The following CYB561D2 variants were observed in gnomAD, a reference collection of about 807,000 sequenced individuals.
CYB561D2 encodes cytochrome b561 family member D2.
In CYB561D2, 16 loss-of-function variants were observed where a neutral mutation model predicts 20.2. That is an observed-to-expected ratio of 0.79 (90% CI 0.53 to 1.20). The LOEUF is 1.20. Ranked by LOEUF, CYB561D2 falls within the 50% of genes most tolerant of loss-of-function variation. The pLI is 0.00. For missense variants in CYB561D2, 247 were observed against 270.3 expected (o/e 0.91, Z 0.60); for synonymous variants, 135 against 128.3 (o/e 1.05, Z -0.35).
chr3:50,352,863 C>T (rs1432024583), intron 3 of CYB561D2, among the ~76,000 whole-genome samples: 1 of 152,144 alleles, frequency 6.6e-6, no homozygotes, highest in African/African-American at 2.4e-5. Flanking sequence ...TGGTGATGCA[C>T]CTAACTTTCC....
chr3:50,351,899 T>C, intron 2 of CYB561D2, 110 bp from the exon 3 acceptor site: 1 of 1,328,848 alleles, frequency 7.5e-7, no homozygotes, highest in South Asian at 1.2e-5. Context: ...GCTCACAGTT[T>C]GGCAGCACCT....
intron 1 of CYB561D2, 173 bp from the exon 2 acceptor site, chr3:50,351,236 G>T: frequency 1.4e-6 from 1 of 700,764 alleles, no homozygotes; most frequent in Non-Finnish European, 2.2e-6. Context: ...CACGTTGACA[G>T]GCCGCCGGCC....
rs757432382 is a variant in CYB561D2 at position 50,353,440 on chromosome 3, A to AGGCAGGGCTGCTGGCTGTGCTGTG, written c.377_400dup (p.Leu126_Leu133dup). The AGGCAGGGCTGCTGGCTGTGCTGTG allele has an allele frequency of 1.2e-4, 201 of 1,613,200 alleles. No homozygotes were observed. Among genetic ancestry groups the AGGCAGGGCTGCTGGCTGTGCTGTG allele is most frequent in the African/African-American group, 9.3e-5 (7 of 74,942 alleles). ...GCCCACCTGGTTACGCGGCATGGGC[A>AGGCAGGGCTGCTGGCTGTGCTGTG]GGCAGGGCTGCTGGCTGTGCTGTGG... On this transcript the variant is annotated inframe_insertion, in exon 4 of 4. Coordinates refer to ENST00000425346, the MANE Select transcript of CYB561D2 (RefSeq NM_001291284.2).
Position 50,353,509 on chromosome 3 carries a change from A to G in CYB561D2, c.434A>G (p.Lys145Arg). 6.2e-7 allele frequency: 1 copy of G among 1,613,482 alleles called. No individual in the cohort carries two copies. The highest frequency in any genetic ancestry group is 8.5e-7 in the Non-Finnish European group (1 of 1,180,006). ...GGTGGGGTGGGGCTGCTCTACCCCA[A>G]GCTGCTGCCCCGATGGCCCCTGGCG... ...CSGGVGLLYP[K>R]LLPRWPLAKL... Residue 145 changes from lysine (K) to arginine (R), a missense_variant, in exon 4 of 4, where the codon AAG becomes AGG. By Grantham distance (26) the Lys-to-Arg change is conservative. Transcript: ENST00000425346.
chr3:50,353,423 G>C lies in CYB561D2; in HGVS notation c.348G>C (p.Leu116=). ...AAGAGCAGCTTGGCAAAGCCCACCT[G>C]GTTACGCGGCATGGGCAGGCAGGGC... ...LHKEQLGKAH[L]VTRHGQAGLL... Residue 116 remains leucine, a synonymous_variant, in exon 4 of 4, where the codon CTG becomes CTC. Transcript: ENST00000425346. 1 of 1,613,398 alleles carries C rather than the reference G, an allele frequency of 6.2e-7. No homozygotes were observed. The highest frequency in any genetic ancestry group is 1.1e-5 in the South Asian group (1 of 91,052).
At position 50,351,056 on chromosome 3, in the gene CYB561D2, G is replaced by A. The variant is rs2233475; in HGVS notation, c.-26+72G>A. ...GGCGGTGCGCTAAGGGATTCACGCT[G>A]TAACTGGGACCGCAGCAGGGAACTA... On this transcript the variant is annotated intron_variant, in intron 1 of 3. Transcript: ENST00000425346. 1,971 of 517,622 alleles carry A rather than the reference G, an allele frequency of 3.8e-3. 27 individuals are homozygous for A. The highest frequency in any genetic ancestry group is 0.034 in the African/African-American group (1,769 of 51,280). The allele number at this position is 517,622 out of a possible 1,614,324, so 32.1% of individuals were successfully genotyped here.
intron 3 of CYB561D2, among the ~76,000 whole-genome samples, 163 bp from the exon 4 acceptor site, chr3:50,353,078 G>T (rs1215569176): frequency 6.6e-6 from 1 of 152,226 alleles, no homozygotes; most frequent in Non-Finnish European, 1.5e-5. Context: ...CCCAGATGGG[G>T]TTTTCCACTC....
chr3:50,350,951 C>T lies in CYB561D2; in HGVS notation c.-59C>T, dbSNP rs898546639. The T allele has an allele frequency of 1.8e-5, 24 of 1,332,416 alleles. No individual in the cohort carries two copies. The highest frequency in any genetic ancestry group is 5.9e-5 in the African/African-American group (4 of 67,348). The allele number at this position is 1,332,416 out of a possible 1,614,324, so 82.5% of individuals were successfully genotyped here. On this transcript the variant is annotated 5_prime_UTR_variant, in exon 1 of 4. Transcript: ENST00000425346. The surrounding 1 kb of genome is among the most constrained non-coding windows in gnomAD (Gnocchi z 5.7). ...AGTATCCCGCTTTCTTTGGAGGAAA[C>T]CACCGCATCAGATCTGCGCTGCGGC... is the stretch of plus-strand genomic sequence containing the variant.
At chr3:50,352,131 T>C in intron 3 of CYB561D2, 85 bp downstream of exon 3, 1 of 1,486,896 alleles carries the variant, frequency 6.7e-7, no homozygotes, top group Non-Finnish European at 9.4e-7. Context: ...TTTGTCCACA[T>C]TTAATATCTG....
In CYB561D2 at chr3:50,353,781, T is replaced by G. The variant is rs373904011; in HGVS notation, c.*37T>G. The G allele has an allele frequency of 5.0e-5, 77 of 1,553,338 alleles. No individual in the cohort carries two copies. The highest frequency in any genetic ancestry group is 6.1e-5 in the Non-Finnish European group (70 of 1,147,212). ...CCTAGGGGAAGCCTGGATTTGCCCC[T>G]CCATGTAGGAGCTGGGCCTAGGGAC... On this transcript the variant is annotated 3_prime_UTR_variant, in exon 4 of 4. Transcript: ENST00000425346.
At position 50,353,735 on chromosome 3, in the gene CYB561D2, C is replaced by A; in HGVS notation, c.660C>A (p.Ile220=). ...ATGCCTACCTATACCGCAAGAGGAT[C>A]CAACCATGAGCTCTTCCCAGCCTAG... ...VSNAYLYRKR[I]QP is the part of the protein sequence containing the mutation. The change falls in exon 4 of 4, where the codon ATC becomes ATA. Residue 220 remains isoleucine, a synonymous_variant. Coordinates refer to ENST00000425346, the MANE Select transcript of CYB561D2 (RefSeq NM_001291284.2). The A allele has an allele frequency of 6.3e-7, 1 of 1,597,042 alleles. No homozygotes were observed. Among genetic ancestry groups the A allele is most frequent in the Non-Finnish European group, 8.6e-7 (1 of 1,169,334 alleles).
chr3:50,353,969 G>A lies in CYB561D2; in HGVS notation c.*225G>A. 7.3e-6 allele frequency: 4 copies of A among 549,570 alleles called. No individual in the cohort carries two copies. Among genetic ancestry groups the A allele is most frequent in the Non-Finnish European group, 1.3e-5 (4 of 313,178 alleles). The allele number at this position is 549,570 out of a possible 1,614,324, so 34.0% of individuals were successfully genotyped here. A position where few individuals can be genotyped will look rare whatever the true frequency, so the allele number is the denominator to read the frequency against. ...GAACATAGGCATCATGTGTCTGGAT[G>A]AAGCTGGGGCTGCAAGACTGCCTCT... On this transcript the variant is annotated 3_prime_UTR_variant, in exon 4 of 4. Coordinates refer to ENST00000425346, the MANE Select transcript of CYB561D2 (RefSeq NM_001291284.2).
rs1448843684 is a variant in CYB561D2 at position 50,353,859 on chromosome 3, G to A, written c.*115G>A. 1 of 1,308,914 alleles carries A rather than the reference G, an allele frequency of 7.6e-7. No individual in the cohort carries two copies. The highest frequency in any genetic ancestry group is 2.4e-5 in the East Asian group (1 of 42,422). The allele number at this position is 1,308,914 out of a possible 1,614,324, so 81.1% of individuals were successfully genotyped here. On this transcript the variant is annotated 3_prime_UTR_variant, in exon 4 of 4. Coordinates refer to ENST00000425346, the MANE Select transcript of CYB561D2 (RefSeq NM_001291284.2). ...GGACACCTCAGGCACTGGGACAGTT[G>A]GGCATTTGGAGGCCCGTGTGTGAAT...
At position 50,350,915 on chromosome 3, in the gene CYB561D2, G is replaced by A; in HGVS notation, c.-95G>A. On this transcript the variant is annotated 5_prime_UTR_variant, in exon 1 of 4. Transcript: ENST00000425346. This position sits in a 1 kb window ranked among gnomAD's most constrained non-coding sequence, Gnocchi z 5.7. Reference sequence around the variant, plus strand: ...CCGTGACGGAGCGGCGGTGCGCGCGGCAGGGCCCGGAGTATCCCGCTTTCT... The same window carrying A: ...CCGTGACGGAGCGGCGGTGCGCGCGACAGGGCCCGGAGTATCCCGCTTTCT... 7.2e-7 allele frequency: 1 copy of A among 1,392,098 alleles called. No individual in the cohort carries two copies. Among genetic ancestry groups the A allele is most frequent in the East Asian group, 2.7e-5 (1 of 36,420 alleles). The allele number at this position is 1,392,098 out of a possible 1,614,324, so 86.2% of individuals were successfully genotyped here. A position where few individuals can be genotyped will look rare whatever the true frequency, so the allele number is the denominator to read the frequency against.
In CYB561D2 at chr3:50,353,370, C is replaced by G; in HGVS notation, c.295C>G (p.Leu99Val). ...LQLLALLCALLGLGLVILHKE... is the reference protein window; with the variant it reads ...LQLLALLCALVGLGLVILHKE... ...GCTGCTGGCCCTGCTGTGTGCACTGCTGGGCCTCGGCCTTGTCATCCTCCA... is the reference window on the plus strand; with the variant it reads ...GCTGCTGGCCCTGCTGTGTGCACTGGTGGGCCTCGGCCTTGTCATCCTCCA... Residue 99 changes from leucine (L) to valine (V), a missense_variant, in exon 4 of 4, where the codon CTG becomes GTG. Coordinates refer to ENST00000425346, the MANE Select transcript of CYB561D2 (RefSeq NM_001291284.2). 1 of 1,613,534 alleles carries G rather than the reference C, an allele frequency of 6.2e-7. No individual in the cohort carries two copies. The highest frequency in any genetic ancestry group is 8.5e-7 in the Non-Finnish European group (1 of 1,180,030).
Position 50,353,944 on chromosome 3 carries a change from G to A in CYB561D2, c.*200G>A. The A allele has an allele frequency of 1.6e-6, 1 of 612,600 alleles. No homozygotes were observed. The highest frequency in any genetic ancestry group is 2.8e-6 in the Non-Finnish European group (1 of 358,228). The allele number at this position is 612,600 out of a possible 1,614,324, so 37.9% of individuals were successfully genotyped here. Reference sequence around the variant, plus strand: ...TTCCCCTTTCTCTGTCATCCCAGAGGAACATAGGCATCATGTGTCTGGATG... The same window carrying A: ...TTCCCCTTTCTCTGTCATCCCAGAGAAACATAGGCATCATGTGTCTGGATG... On this transcript the variant is annotated 3_prime_UTR_variant, in exon 4 of 4. Transcript: ENST00000425346.
chr3:50,352,890 A>G (rs986065424), intron 3 of CYB561D2, among the ~76,000 whole-genome samples: 3 of 152,200 alleles, frequency 2.0e-5, no homozygotes. Flanking sequence ...CAGTGCACCC[A>G]TGTGGCCAGC....
At chr3:50,352,245 G>A (rs773282284) in intron 3 of CYB561D2, among the ~76,000 whole-genome samples, 199 bp downstream of exon 3, 1 of 152,006 alleles carries the variant, frequency 6.6e-6, no homozygotes, top group East Asian at 1.9e-4. Flanking sequence ...CTTAGAGGCC[G>A]AGGCGGGCAC....
Position 50,352,127 on chromosome 3 carries a change from C to A in CYB561D2, c.165+81C>A, listed in dbSNP as rs1313525460. 7.4e-6 allele frequency: 11 copies of A among 1,493,184 alleles called. No individual in the cohort carries two copies. The Admixed American group carries it at 1.7e-4, about 23-fold the overall frequency. The allele number at this position is 1,493,184 out of a possible 1,614,324, so 92.5% of individuals were successfully genotyped here. A position where few individuals can be genotyped will look rare whatever the true frequency, so the allele number is the denominator to read the frequency against. On this transcript the variant is annotated intron_variant, in intron 3 of 3. Transcript: ENST00000425346. ...CCCTGGCAGCCTCTGAATCTTTGTC[C>A]ACATTTAATATCTGTTTGGAAGAGT...
Sources: allele counts gnomAD v4.1 joint callset (sites outside exome capture counted in the v4.1 genomes callset), GRCh38; gene constraint gnomAD v4.1.1; non-coding constraint Gnocchi (gnomAD v3.1); transcripts MANE v1.5; gene names NCBI Gene and HGNC (gene_info 2026-07-23, HGNC 2026-07-21).